The following PRORP variants were observed in gnomAD, a reference collection of about 807,000 sequenced individuals.
PRORP encodes the protein mitochondrial ribonuclease P catalytic subunit.
Under a neutral mutation model 59.4 loss-of-function variants are expected in PRORP, and 51 were observed. The ratio of observed to expected loss-of-function variants is 0.86; its 90% CI spans 0.69 to 1.08. PRORP has a LOEUF of 1.08. PRORP is among the 50% of genes least tolerant of loss of function. The pLI is 0.00. For synonymous variants in PRORP, 231 were observed against 245.6 expected (o/e 0.94, Z 0.55); for missense variants, 646 against 690.3 (o/e 0.94, Z 0.72).
intron 4 of PRORP, among the ~76,000 whole-genome samples, chr14:35,137,825 C>T (rs2047406253): frequency 6.9e-6 from 1 of 145,162 alleles, no homozygotes; most frequent in African/African-American, 2.4e-5. Flanking sequence ...GCATGGGGTC[C>T]AGGCCAGATA....
At chr14:35,231,184 A>T (rs1006426768) in intron 5 of PRORP, among the ~76,000 whole-genome samples, 2 of 152,188 alleles carry the variant, frequency 1.3e-5, no homozygotes, top group African/African-American at 4.8e-5. Context: ...CTTACATCAC[A>T]TTACCATGTC....
Position 35,123,016 on chromosome 14 carries a change from C to A in PRORP, c.-230C>A. 1.9e-6 allele frequency: 1 copy of A among 519,746 alleles called. No homozygotes were observed. The highest frequency in any genetic ancestry group is 3.3e-5 in the Admixed American group (1 of 30,164). The allele number at this position is 519,746 out of a possible 1,614,324, so 32.2% of individuals were successfully genotyped here. On this transcript the variant is annotated 5_prime_UTR_variant, in exon 2 of 8. Transcript: ENST00000534898. ...GCTCTGTCCCCTGGTTTGCGGCTTG[C>A]GACGTTGGACATCCCCGGATTGTTG...
chr14:35,185,458 T>G (rs1168885604), intron 5 of PRORP, among the ~76,000 whole-genome samples: 1 of 152,142 alleles, frequency 6.6e-6, no homozygotes, highest in Non-Finnish European at 1.5e-5. Flanking sequence ...TAAAAGACAG[T>G]GGAAGTTGCT....
chr14:35,244,695 G>A (rs1474927391), intron 5 of PRORP, among the ~76,000 whole-genome samples: 1 of 152,172 alleles, frequency 6.6e-6, no homozygotes, highest in Admixed American at 6.5e-5. Flanking sequence ...GTAGTTTAAA[G>A]AGTAATAATA....
chr14:35,252,642 G>C (rs141897837), intron 5 of PRORP, among the ~76,000 whole-genome samples: 2 of 152,142 alleles, frequency 1.3e-5, no homozygotes, highest in Non-Finnish European at 2.9e-5. Flanking sequence ...TCTGCAGTCA[G>C]CTCCTGCTCC....
In PRORP at chr14:35,127,570, G is replaced by A. The variant is rs2047129009; in HGVS notation, c.1126G>A (p.Val376Met). 1.2e-6 allele frequency: 2 copies of A among 1,614,076 alleles called. No homozygotes were observed. Among genetic ancestry groups the A allele is most frequent in the Non-Finnish European group, 1.7e-6 (2 of 1,179,960 alleles). Residue 376 changes from valine to methionine, a missense_variant, in exon 4 of 8, where the codon GTG (valine) becomes ATG (methionine). By Grantham distance (21) the Val-to-Met change is conservative. Coordinates refer to ENST00000534898, the MANE Select transcript of PRORP (RefSeq NM_014672.4). ...ECLKGKIMRD[V>M]IDGGDQYRKT... is the part of the protein sequence containing the mutation. Reference sequence around the variant, plus strand: ...TCTTAAGGGAAAAATCATGAGGGATGTGATAGATGGAGGTGACCAGTACAG... The same window carrying A: ...TCTTAAGGGAAAAATCATGAGGGATATGATAGATGGAGGTGACCAGTACAG...
chr14:35,142,125 C>T (rs891550222), intron 4 of PRORP, among the ~76,000 whole-genome samples: 1 of 144,186 alleles, frequency 6.9e-6, no homozygotes, highest in African/African-American at 2.4e-5. Context: ...CTGATCCATC[C>T]GCCTCGGCCT....
intron 5 of PRORP, among the ~76,000 whole-genome samples, chr14:35,236,166 G>A (rs1426073484): frequency 6.6e-6 from 1 of 150,466 alleles, no homozygotes; most frequent in African/African-American, 2.4e-5. Flanking sequence ...TTGTCTCATA[G>A]CTAGTAAATG....
Position 35,197,765 on chromosome 14 carries a change from TTATAA to T in PRORP, c.1275+16993_1275+16997del, listed in dbSNP as rs532681926. ...TTGTCTTATGAAAGATGTAAGATGG[TTATAA>T]TATATGTGATACAGAAAATAAAATA... On this transcript the variant is annotated intron_variant, in intron 5 of 7. Coordinates refer to ENST00000534898, the MANE Select transcript of PRORP (RefSeq NM_014672.4). Among the ~76,000 whole-genome samples, 184 of 152,328 alleles carry T rather than the reference TTATAA, an allele frequency of 1.2e-3. 2 individuals carry two copies. In the South Asian group the frequency reaches 0.013, roughly 11 times the overall value.
intron 4 of PRORP, among the ~76,000 whole-genome samples, chr14:35,128,347 A>G (rs1312243477): frequency 6.6e-6 from 1 of 151,110 alleles, no homozygotes; most frequent in East Asian, 1.9e-4. Flanking sequence ...TCAAGGTAAC[A>G]CTAGCCTCAT....
At position 35,241,948 on chromosome 14, in the gene PRORP, C is replaced by A. The variant is rs900796479; in HGVS notation, c.1276-24779C>A. Reference sequence around the variant, plus strand: ...TCCTACCCTGGTGATTCTACTGACACCTTTTATTTACTCCCACTGGGCTCT... The same window carrying A: ...TCCTACCCTGGTGATTCTACTGACAACTTTTATTTACTCCCACTGGGCTCT... On this transcript the variant is annotated intron_variant, in intron 5 of 7. Coordinates refer to ENST00000534898, the MANE Select transcript of PRORP (RefSeq NM_014672.4). Among the ~76,000 whole-genome samples the A allele has an allele frequency of 2.3e-4, 35 of 152,130 alleles. 1 individual carries two copies. Among genetic ancestry groups the A allele is most frequent in the Admixed American group, 1.5e-3 (23 of 15,274 alleles).
At chr14:35,189,050 T>C (rs1265037428) in intron 5 of PRORP, among the ~76,000 whole-genome samples, 3 of 152,068 alleles carry the variant, frequency 2.0e-5, no homozygotes, top group African/African-American at 7.2e-5. Context: ...TTACAGAGTT[T>C]GCATTGTTAG....
chr14:35,147,983 C>T (rs192375508), intron 4 of PRORP, among the ~76,000 whole-genome samples: 33 of 152,358 alleles, frequency 2.2e-4, no homozygotes, highest in African/African-American at 7.9e-4. Context: ...TCAGGCTCCA[C>T]TTCTAATTCT....
chr14:35,122,797 G>A, intron 1 of PRORP, 155 bp from the exon 2 acceptor site: 1 of 171,014 alleles, frequency 5.8e-6, no homozygotes, highest in Non-Finnish European at 1.3e-5. Flanking sequence ...GGCTTTCGCC[G>A]CTGTTGGTGG....
rs755000800 is a variant in PRORP, at chr14:35,123,411, A to C, written c.166A>C (p.Thr56Pro). The C allele has an allele frequency of 2.5e-6, 4 of 1,614,080 alleles. No homozygotes were observed. The highest frequency in any genetic ancestry group is 3.4e-6 in the Non-Finnish European group (4 of 1,180,030). Residue 56 changes from threonine to proline, a missense_variant, in exon 2 of 8, where the codon ACC becomes CCC. Physicochemically the swap from Thr to Pro is conservative, Grantham distance 38 (BLOSUM62 -1). Coordinates refer to ENST00000534898, the MANE Select transcript of PRORP (RefSeq NM_014672.4). ...FSLKTMSPQNTKATNLIAKAR... is the reference protein window; with the variant it reads ...FSLKTMSPQNPKATNLIAKAR... ...TCTTAAAACAATGTCTCCACAGAAT[A>C]CCAAAGCAACGAATCTGATTGCCAA...
At chr14:35,269,192 G>A (rs1028595140) in intron 6 of PRORP, among the ~76,000 whole-genome samples, 3 of 152,110 alleles carry the variant, frequency 2.0e-5, no homozygotes, top group African/African-American at 7.2e-5. Context: ...TTGTTTTAAG[G>A]ATTAAATAAG....
intron 5 of PRORP, among the ~76,000 whole-genome samples, chr14:35,239,725 T>G (rs2050312700): frequency 6.6e-6 from 1 of 152,216 alleles, no homozygotes; most frequent in Non-Finnish European, 1.5e-5. Context: ...TGAACTGTCC[T>G]GCCCTGTACA....
chr14:35,256,294 A>C (rs1233019392), intron 5 of PRORP, among the ~76,000 whole-genome samples: 1 of 146,840 alleles, frequency 6.8e-6, no homozygotes, highest in East Asian at 2.0e-4. Flanking sequence ...AAAATCTCAA[A>C]AAAAAAAAAA....
At chr14:35,261,108 A>C (rs2050892447) in intron 5 of PRORP, among the ~76,000 whole-genome samples, 1 of 152,196 alleles carries the variant, frequency 6.6e-6, no homozygotes, top group South Asian at 2.1e-4. Flanking sequence ...AGAGAGAACA[A>C]GCCTTTGTTG....
Sources: allele counts gnomAD v4.1 joint callset (sites outside exome capture counted in the v4.1 genomes callset), GRCh38; gene constraint gnomAD v4.1.1; transcripts MANE v1.5; gene names NCBI Gene and HGNC (gene_info 2026-07-23, HGNC 2026-07-21).